LMNTD1: variants seen among roughly 807,000 people sequenced by gnomAD.
LMNTD1 encodes the protein lamin tail domain containing 1.
LMNTD1 carries 35 observed loss-of-function variants against 50.9 expected under a neutral mutation model. The observed-to-expected ratio is 0.69, with a 90% CI of 0.53 to 0.91. The LOEUF is 0.91. Ranked by LOEUF, LMNTD1 falls within the 40% of genes least tolerant of loss-of-function variation. LMNTD1 has a pLI of 0.00. For synonymous variants in LMNTD1, 153 were observed against 161.9 expected, an observed-to-expected ratio of 0.94 and a Z score of 0.42; for missense variants, 470 against 475.5, an observed-to-expected ratio of 0.99 and a Z score of 0.11.
At chr12:25,550,455 C>T (rs548147078) in intron 2 of LMNTD1, among the ~76,000 whole-genome samples, 96 of 152,304 alleles carry the variant, frequency 6.3e-4, no homozygotes, top group African/African-American at 2.3e-3. Flanking sequence ...ATCCTCCAAT[C>T]CAAACCCTTT....
intron 1 of LMNTD1, among the ~76,000 whole-genome samples, chr12:25,617,491 T>C (rs1485313423): frequency 6.6e-6 from 1 of 151,874 alleles, no homozygotes; most frequent in African/African-American, 2.4e-5. Context: ...TCCGTGGTAA[T>C]AGAGGGAAGG....
chr12:25,523,896 G>A (rs140630220), intron 6 of LMNTD1, among the ~76,000 whole-genome samples: 412 of 151,870 alleles, frequency 2.7e-3, no homozygotes, highest in African/African-American at 9.7e-3. Flanking sequence ...AGGGAAGAGA[G>A]CCTATTGAGA....
At chr12:25,646,624 G>C (rs894097192) in intron 1 of LMNTD1, among the ~76,000 whole-genome samples, 2 of 152,134 alleles carry the variant, frequency 1.3e-5, no homozygotes, top group Non-Finnish European at 2.9e-5. Flanking sequence ...ATGATTGCTG[G>C]AGTAAAAGGT....
At chr12:25,616,714 T>A (rs1946360441) in intron 1 of LMNTD1, among the ~76,000 whole-genome samples, 1 of 152,104 alleles carries the variant, frequency 6.6e-6, no homozygotes, top group South Asian at 2.1e-4. Context: ...TGCATATGAA[T>A]CTACAATTAT....
At chr12:25,623,329 C>T (rs1419641240) in intron 1 of LMNTD1, among the ~76,000 whole-genome samples, 1 of 151,788 alleles carries the variant, frequency 6.6e-6, no homozygotes, top group Non-Finnish European at 1.5e-5. Context: ...GTGAGTGGAT[C>T]ACTTGAGGTC....
intron 1 of LMNTD1, among the ~76,000 whole-genome samples, chr12:25,631,107 C>T (rs1946708906): frequency 6.6e-6 from 1 of 152,104 alleles, no homozygotes; most frequent in African/African-American, 2.4e-5. Context: ...ACTCCATTGG[C>T]CTGGGGACCT....
At chr12:25,582,327 C>T (rs577295671) in intron 1 of LMNTD1, 1 of 152,322 alleles carries the variant, frequency 6.6e-6, no homozygotes, top group East Asian at 1.9e-4. Flanking sequence ...AGCTCACTTC[C>T]AAGCTTATCA....
At chr12:25,583,173 C>T (rs1945377715) in intron 1 of LMNTD1, among the ~76,000 whole-genome samples, 1 of 146,890 alleles carries the variant, frequency 6.8e-6, no homozygotes, top group Non-Finnish European at 1.5e-5. Flanking sequence ...AGGTGCCCGC[C>T]ACTGCGCCTG....
Position 25,549,395 on chromosome 12 carries a change from T to C in LMNTD1, c.241A>G (p.Ile81Val), listed in dbSNP as rs751346910. The C allele has an allele frequency of 1.6e-5, 26 of 1,613,268 alleles. No homozygotes were observed. Among genetic ancestry groups the C allele is most frequent in the Non-Finnish European group, 2.1e-5 (25 of 1,179,388 alleles). The change falls in exon 3 of 10, where the codon ATA becomes GTA. Residue 81 changes from isoleucine (I) to valine (V), a missense_variant. Ile to Val is a conservative substitution (Grantham distance 29, BLOSUM62 3). Transcript: ENST00000458174. ...LSSPQISRVT[I>V]STTGQLTSKA... ...GAAGTCAATTGTCCAGTTGTTGATA[T>C]AGTTACTCTACTAATCTGAGGACTA... is the stretch of plus-strand genomic sequence containing the variant.
At chr12:25,635,007 G>A (rs1289638888) in intron 1 of LMNTD1, among the ~76,000 whole-genome samples, 1 of 152,114 alleles carries the variant, frequency 6.6e-6, no homozygotes, top group Non-Finnish European at 1.5e-5. Context: ...TTGGGAGGCC[G>A]AGGCCGTGGC....
chr12:25,519,674 T>C lies in LMNTD1; in HGVS notation c.1016+184A>G, dbSNP rs116309172. Among the ~76,000 whole-genome samples the C allele has an allele frequency of 3.4e-3, 507 of 150,502 alleles. 4 individuals are homozygous for C. The highest frequency in any genetic ancestry group is 0.012 in the African/African-American group (495 of 40,946). ...TCGCCAGCCTTCATTGCCCTATGAGTATTTACCTGCTCATTCTGTTTTCGT... is the reference window on the plus strand; with the variant it reads ...TCGCCAGCCTTCATTGCCCTATGAGCATTTACCTGCTCATTCTGTTTTCGT... On this transcript the variant is annotated intron_variant, in intron 7 of 9. Coordinates refer to ENST00000458174, the MANE Select transcript of LMNTD1 (RefSeq NM_001145728.2).
In LMNTD1 at chr12:25,518,888, A is replaced by G; in HGVS notation, c.1096T>C (p.Cys366Arg). The G allele has an allele frequency of 1.2e-6, 2 of 1,614,138 alleles. No individual in the cohort carries two copies. The highest frequency in any genetic ancestry group is 2.2e-5 in the South Asian group (2 of 91,078). ...GTATTGTGTGGTTCAATCAGAGGAC[A>G]GTAAGGATGTGCAGAGACATAGGGA... Reference protein sequence around the residue: ...QNPYVSAHPYCPLIEPHNTST... With the variant: ...QNPYVSAHPYRPLIEPHNTST... The change falls in exon 8 of 10, where the codon TGT becomes CGT. Residue 366 changes from cysteine to arginine, a missense_variant. Cys to Arg is a radical substitution (Grantham distance 180, BLOSUM62 -3). Transcript: ENST00000458174.
chr12:25,590,304 GA>G (rs766143632), intron 1 of LMNTD1, among the ~76,000 whole-genome samples: 4 of 151,510 alleles, frequency 2.6e-5, no homozygotes, highest in East Asian at 1.9e-4. Context: ...TATTATAACA[GA>G]AAAAAAAGGA....
intron 1 of LMNTD1, among the ~76,000 whole-genome samples, chr12:25,605,734 T>C (rs1264062302): frequency 1.3e-5 from 2 of 152,348 alleles, no homozygotes; most frequent in South Asian, 2.1e-4. Flanking sequence ...CATTCTGTTT[T>C]GGTTACTATA....
At chr12:25,528,468 C>T (rs1414793351) in intron 4 of LMNTD1, among the ~76,000 whole-genome samples, 1 of 152,202 alleles carries the variant, frequency 6.6e-6, no homozygotes, top group Admixed American at 6.5e-5. Flanking sequence ...ACAAAGATTG[C>T]TGCTACCAAA....
rs1172680168 is a variant in LMNTD1 at position 25,517,293 on chromosome 12, A to G, written c.1189+1502T>C. Reference sequence around the variant, plus strand: ...TGCGGCACTATTCACAATAGCAAAGACTTGGAATCAACCCAAATGTCCAAT... The same window carrying G: ...TGCGGCACTATTCACAATAGCAAAGGCTTGGAATCAACCCAAATGTCCAAT... On this transcript the variant is annotated intron_variant, in intron 8 of 9. Coordinates refer to ENST00000458174, the MANE Select transcript of LMNTD1 (RefSeq NM_001145728.2). 3.3e-5 allele frequency among the ~76,000 whole-genome samples: 2 copies of G among 59,982 alleles called. 1 individual carries two copies. Among genetic ancestry groups the G allele is most frequent in the African/African-American group, 8.2e-5 (2 of 24,320 alleles). The allele number at this position is 59,982 out of a possible 152,430, so 39.4% of individuals were successfully genotyped here.
At chr12:25,604,558 C>T (rs1946052810) in intron 1 of LMNTD1, among the ~76,000 whole-genome samples, 2 of 151,270 alleles carry the variant, frequency 1.3e-5, no homozygotes, top group Admixed American at 6.6e-5. Flanking sequence ...TCCATGTGTT[C>T]TCATTGTTCA....
At chr12:25,484,471 T>A (rs7307518) in intron 9 of LMNTD1, among the ~76,000 whole-genome samples, 1 of 151,786 alleles carries the variant, frequency 6.6e-6, no homozygotes, top group East Asian at 1.9e-4. Flanking sequence ...GAGTACATTA[T>A]GAGAGAATTG....
At chr12:25,524,648 G>A (rs950651131) in intron 6 of LMNTD1, among the ~76,000 whole-genome samples, 6 of 148,394 alleles carry the variant, frequency 4.0e-5, no homozygotes, top group Non-Finnish European at 8.8e-5. Context: ...TATGATGAAA[G>A]TTCTGAGATA....
Sources: allele counts gnomAD v4.1 joint callset (sites outside exome capture counted in the v4.1 genomes callset), GRCh38; gene constraint gnomAD v4.1.1; transcripts MANE v1.5; gene names NCBI Gene and HGNC (gene_info 2026-07-23, HGNC 2026-07-21).